The following MAMLD1 variants were observed in gnomAD, a reference collection of about 807,000 sequenced individuals.
The protein encoded by MAMLD1 is mastermind like domain containing 1.
A neutral mutation model predicts 45.0 loss-of-function variants in MAMLD1; 14 were observed. That is an observed-to-expected ratio of 0.31 (90% CI 0.21 to 0.49). The LOEUF is 0.49. MAMLD1 is among the 20% of genes least tolerant of loss of function. The pLI is 0.99. For missense variants in MAMLD1, 543 were observed against 603.6 expected (o/e 0.90, Z 1.05); for synonymous variants, 254 against 247.8 (o/e 1.02, Z -0.24).
At chrX:150,481,736 G>T (rs1569564954) in intron 5 of MAMLD1, among the ~76,000 whole-genome samples, 1 of 107,742 alleles carries the variant, frequency 9.3e-6, no homozygotes, top group Non-Finnish European at 1.9e-5. Context: ...AGGCTGAGGT[G>T]GGAGGATTGC....
At chrX:150,381,879 C>CT (rs1464260644) in intron 1 of MAMLD1, among the ~76,000 whole-genome samples, 1 of 111,151 alleles carries the variant, frequency 9.0e-6, no homozygotes, top group African/African-American at 3.3e-5. Flanking sequence ...CATTTTTTCT[C>CT]TTTTTTTTCA....
chrX:150,395,660 G>A (rs10442452), intron 1 of MAMLD1, among the ~76,000 whole-genome samples: 1,629 of 110,585 alleles, frequency 0.015, 19 homozygotes, highest in Non-Finnish European at 0.023. Flanking sequence ...GTGAGGTTTG[G>A]CAGATTGTGT....
At chrX:150,493,163 G>A (rs147768468) in intron 5 of MAMLD1, among the ~76,000 whole-genome samples, 148 of 111,478 alleles carry the variant, frequency 1.3e-3, no homozygotes, top group Middle Eastern at 4.6e-3. Flanking sequence ...CGGAAGGGTC[G>A]GCATTCCTGA....
intron 1 of MAMLD1, among the ~76,000 whole-genome samples, chrX:150,408,140 G>A (rs2124531395): frequency 9.0e-6 from 1 of 111,093 alleles, no homozygotes; most frequent in Admixed American, 9.5e-5. Context: ...TTACAACACG[G>A]CAGTCAGTGC....
intron 1 of MAMLD1, among the ~76,000 whole-genome samples, chrX:150,367,745 T>G (rs1468715896): frequency 9.3e-6 from 1 of 107,361 alleles, no homozygotes; most frequent in Admixed American, 9.9e-5. Flanking sequence ...GTGTGTGATG[T>G]TCCCCTTCCT....
At chrX:150,478,886 G>T (rs1425232785) in intron 5 of MAMLD1, among the ~76,000 whole-genome samples, 1 of 112,413 alleles carries the variant, frequency 8.9e-6, no homozygotes, top group East Asian at 2.8e-4. Flanking sequence ...TAGCTGTTTT[G>T]TGTGGAACTA....
In MAMLD1 at chrX:150,513,242, G is replaced by A. The variant is rs184214960; in HGVS notation, c.*1283G>A. ...GAAAGCTGGTGATTTTTCAAGCTACGTGTACATATTTGAAAATTTTGTAAA... is the reference window on the plus strand; with the variant it reads ...GAAAGCTGGTGATTTTTCAAGCTACATGTACATATTTGAAAATTTTGTAAA... On this transcript the variant is annotated 3_prime_UTR_variant, in exon 8 of 8. Coordinates refer to ENST00000370401, the MANE Select transcript of MAMLD1 (RefSeq NM_005491.5). The A allele has an allele frequency of 7.7e-5, 33 of 429,685 alleles. No homozygotes were observed. The highest frequency in any genetic ancestry group is 5.6e-4 in the African/African-American group (23 of 40,711). The allele number at this position is 429,685 out of a possible 1,213,427, so 35.4% of individuals were successfully genotyped here. A position where few individuals can be genotyped will look rare whatever the true frequency, so the allele number is the denominator to read the frequency against.
intron 6 of MAMLD1, chrX:150,504,705 G>T (rs1557408739): frequency 1.3e-6 from 1 of 751,419 alleles, no homozygotes; most frequent in East Asian, 1.5e-4. Context: ...CTTGCCTTGA[G>T]AATTATTGTC....
intron 1 of MAMLD1, 74 bp from the exon 2 acceptor site, chrX:150,445,380 G>T: frequency 2.0e-6 from 1 of 512,629 alleles, no homozygotes; most frequent in African/African-American, 2.3e-5. Context: ...TCTTCAGAGT[G>T]AAAGTCTGTG....
chrX:150,367,452 T>G (rs1328412578), intron 1 of MAMLD1, among the ~76,000 whole-genome samples: 1 of 112,167 alleles, frequency 8.9e-6, no homozygotes, highest in Non-Finnish European at 1.9e-5. Flanking sequence ...GGAAACTCAA[T>G]TACTATTTGG....
chrX:150,484,006 T>C (rs2036904677), intron 5 of MAMLD1, among the ~76,000 whole-genome samples: 2 of 112,538 alleles, frequency 1.8e-5, no homozygotes, highest in Admixed American at 1.9e-4. Flanking sequence ...CTGAGAGCAG[T>C]GAGTGGTCTT....
Position 150,423,386 on chromosome X carries a change from T to TGTGTGTGTGTG in MAMLD1, c.-63-22068_-63-22067insGTGTGTGTGTG, listed in dbSNP as rs2034590514. Reference sequence around the variant, plus strand: ...TGTGTGTGTGTGTGTGTGTGTGTGTTTGCACCTTTGGGGCTACGGTTGAGC... The same window carrying TGTGTGTGTGTG: ...TGTGTGTGTGTGTGTGTGTGTGTGTTGTGTGTGTGTGTGCACCTTTGGGGCTACGGTTGAGC... On this transcript the variant is annotated intron_variant, in intron 1 of 7. Coordinates refer to ENST00000370401, the MANE Select transcript of MAMLD1 (RefSeq NM_005491.5). Among the ~76,000 whole-genome samples the TGTGTGTGTGTG allele has an allele frequency of 8.1e-3, 786 of 96,897 alleles. 10 individuals carry two copies. The highest frequency in any genetic ancestry group is 0.01 in the Non-Finnish European group (509 of 49,716). The allele number at this position is 96,897 out of a possible 115,157, so 84.1% of individuals were successfully genotyped here. A position where few individuals can be genotyped will look rare whatever the true frequency, so the allele number is the denominator to read the frequency against.
intron 1 of MAMLD1, among the ~76,000 whole-genome samples, chrX:150,398,343 G>GAAGAAGAAGAAAGAAGAA (rs1569564636): frequency 1.8e-4 from 10 of 56,452 alleles, no homozygotes; most frequent in African/African-American, 6.2e-4. Flanking sequence ...AAGAAGAAGA[G>GAAGAAGAAGAAAGAAGAA]GAAGAGGAAG....
chrX:150,448,803 A>C (rs899019209), intron 2 of MAMLD1, among the ~76,000 whole-genome samples: 4 of 111,838 alleles, frequency 3.6e-5, no homozygotes, highest in Non-Finnish European at 7.5e-5. Flanking sequence ...TAGTACTCCA[A>C]TTTGAGAGTG....
chrX:150,373,468 A>C (rs55946854), intron 1 of MAMLD1, among the ~76,000 whole-genome samples: 1 of 50,567 alleles, frequency 2.0e-5, no homozygotes, highest in East Asian at 4.7e-4. Context: ...TCTCTCTCTC[A>C]CACACACACA....
chrX:150,376,583 A>G (rs1163041506), intron 1 of MAMLD1, among the ~76,000 whole-genome samples: 5 of 110,767 alleles, frequency 4.5e-5, no homozygotes, highest in Non-Finnish European at 9.5e-5. Context: ...TCAACTCCAA[A>G]TGGGACCTGC....
intron 1 of MAMLD1, among the ~76,000 whole-genome samples, chrX:150,385,965 T>C (rs2032905594): frequency 9.0e-6 from 1 of 111,654 alleles, no homozygotes; most frequent in Admixed American, 9.5e-5. Flanking sequence ...GCTTCTTTTA[T>C]GTCTTTGTCC....
intron 3 of MAMLD1, 94 bp from the exon 4 acceptor site, chrX:150,469,651 C>T (rs113243673): frequency 1.7e-6 from 1 of 576,565 alleles, no homozygotes; most frequent in Non-Finnish European, 2.8e-6. Flanking sequence ...CTCTCTCTCT[C>T]TCTCTGTGTG....
At chrX:150,508,590 G>A (rs2148366498) in intron 6 of MAMLD1, among the ~76,000 whole-genome samples, 2 of 112,743 alleles carry the variant, frequency 1.8e-5, no homozygotes, top group South Asian at 7.4e-4. Context: ...TGCCTTGGCA[G>A]GAACCAAGGC....
Sources: gnomAD v4.1 joint callset for allele counts (sites outside exome capture counted in the v4.1 genomes callset) on GRCh38, gnomAD v4.1.1 for gene constraint, MANE v1.5 for transcripts, NCBI Gene and HGNC (gene_info 2026-07-23, HGNC 2026-07-21) for gene names.